Variants in CDH18 observed in about 807,000 individuals in gnomAD.
The protein encoded by CDH18 is cadherin 18, also known as cadherin-18.
In CDH18, 31 loss-of-function variants were observed where a neutral mutation model predicts 67.9. The observed-to-expected ratio is 0.46, with a 90% confidence interval of 0.34 to 0.62. CDH18 has a LOEUF of 0.62. CDH18 is among the 20% of genes least tolerant of loss of function. The pLI, the probability that CDH18 is intolerant of heterozygous loss-of-function variation, is 0.01. For missense variants in CDH18, 890 were observed against 975.5 expected (o/e 0.91, Z 1.17); for synonymous variants, 362 against 347.2 (o/e 1.04, Z -0.48).
chr5:20,270,997 G>A (rs868121637), intron 1 of CDH18, among the ~76,000 whole-genome samples: 1 of 152,054 alleles, frequency 6.6e-6, no homozygotes, highest in African/African-American at 2.4e-5. Context: ...CATAGGGTGG[G>A]ACGGGGGAGA....
chr5:20,546,625 T>C (rs1426582206), intron 1 of CDH18, among the ~76,000 whole-genome samples: 3 of 152,054 alleles, frequency 2.0e-5, no homozygotes, highest in Non-Finnish European at 4.4e-5. Flanking sequence ...AATAATAACA[T>C]GGGAGAAACC....
At chr5:19,899,876 T>C (rs909992401) in intron 2 of CDH18, among the ~76,000 whole-genome samples, 1 of 152,088 alleles carries the variant, frequency 6.6e-6, no homozygotes, top group African/African-American at 2.4e-5. Context: ...ATACGAGGTA[T>C]CTGTGATTGT....
rs1766815154 is a variant in CDH18, at chr5:19,726,153, A to G, written c.524-4687T>C. Among the ~76,000 whole-genome samples, 5 of 152,204 alleles carry G rather than the reference A, an allele frequency of 3.3e-5. No individual in the cohort carries two copies. The South Asian group carries it at 1.0e-3, about 31-fold the overall frequency. On this transcript the variant is annotated intron_variant, in intron 4 of 12. Transcript: ENST00000382275. ...AGCCTTGTTAAGTGAGAGTTGAGAT[A>G]CACGAAGGCAGTGACAAGTTAAATA... is the stretch of plus-strand genomic sequence containing the variant.
At chr5:20,423,895 C>T (rs1470922828) in intron 1 of CDH18, among the ~76,000 whole-genome samples, 2 of 132,154 alleles carry the variant, frequency 1.5e-5, no homozygotes, top group East Asian at 2.2e-4. Flanking sequence ...TGCAGTGAGC[C>T]GAGATCGCGC....
chr5:19,782,848 T>C (rs1354255278), intron 3 of CDH18, among the ~76,000 whole-genome samples: 1 of 152,186 alleles, frequency 6.6e-6, no homozygotes, highest in African/African-American at 2.4e-5. Context: ...TAAATCTTTC[T>C]ACAACTTAAG....
Position 19,638,956 on chromosome 5 carries a change from G to A in CDH18, c.644-26355C>T, listed in dbSNP as rs79791082. On this transcript the variant is annotated intron_variant, in intron 5 of 12. Coordinates refer to ENST00000382275, the MANE Select transcript of CDH18 (RefSeq NM_004934.5). Reference sequence around the variant, plus strand: ...GCTTTCATCCCACCCCTCCCAGATCGCTGGGAAGTTTTTTGTTGCTGTTTT... The same window carrying A: ...GCTTTCATCCCACCCCTCCCAGATCACTGGGAAGTTTTTTGTTGCTGTTTT... 7.1e-3 allele frequency among the ~76,000 whole-genome samples: 840 copies of A among 117,872 alleles called. 9 individuals carry two copies. Among genetic ancestry groups the A allele is most frequent in the African/African-American group, 0.027 (809 of 29,856 alleles). 77.3% of individuals were successfully genotyped at this position (117,872 alleles called of 152,430 possible). A position where few individuals can be genotyped will look rare whatever the true frequency, so the allele number is the denominator to read the frequency against.
At chr5:20,101,755 C>G (rs551784669) in intron 2 of CDH18, among the ~76,000 whole-genome samples, 3 of 152,152 alleles carry the variant, frequency 2.0e-5, no homozygotes, top group African/African-American at 7.2e-5. Context: ...ATGCACCAAT[C>G]TGATAATAGA....
At chr5:19,841,882 A>C (rs1782356618) in intron 2 of CDH18, among the ~76,000 whole-genome samples, 1 of 152,224 alleles carries the variant, frequency 6.6e-6, no homozygotes, top group South Asian at 2.1e-4. Flanking sequence ...TGCGAATCTC[A>C]ATTATGACAA....
chr5:19,976,024 A>T (rs1477476863), intron 2 of CDH18, among the ~76,000 whole-genome samples: 2 of 152,172 alleles, frequency 1.3e-5, no homozygotes, highest in Non-Finnish European at 2.9e-5. Context: ...ACTGCCTCTG[A>T]AGTTGGCGAG....
intron 3 of CDH18, among the ~76,000 whole-genome samples, chr5:19,773,088 T>A (rs1051870618): frequency 2.0e-5 from 3 of 152,146 alleles, no homozygotes; most frequent in African/African-American, 7.2e-5. Context: ...ACATACATAA[T>A]CATAGGATAA....
At chr5:20,304,012 C>T in intron 1 of CDH18, 1 of 1,201,152 alleles carries the variant, frequency 8.3e-7, no homozygotes, top group Non-Finnish European at 1.2e-6. Flanking sequence ...GAAGCAGCAA[C>T]TTGGCAATAA....
rs1000848383 is a variant in CDH18 at position 19,738,189 on chromosome 5, T to C, written c.523+8753A>G. ...TACTGAGATTTTTAAAATATATTTTTAAGGGACTACGGACCACTATAATAT... is the reference window on the plus strand; with the variant it reads ...TACTGAGATTTTTAAAATATATTTTCAAGGGACTACGGACCACTATAATAT... On this transcript the variant is annotated intron_variant, in intron 4 of 12. Coordinates refer to ENST00000382275, the MANE Select transcript of CDH18 (RefSeq NM_004934.5). Among the ~76,000 whole-genome samples, 6 of 10,484 alleles carry C rather than the reference T, an allele frequency of 5.7e-4. No individual in the cohort carries two copies. In the Non-Finnish European group the frequency reaches 0.065, roughly 114 times the overall value. 6.9% of individuals were successfully genotyped at this position (10,484 alleles called of 152,430 possible). A position where few individuals can be genotyped will look rare whatever the true frequency, so the allele number is the denominator to read the frequency against.
chr5:19,935,707 T>C (rs1032387297), intron 2 of CDH18, among the ~76,000 whole-genome samples: 1 of 131,208 alleles, frequency 7.6e-6, no homozygotes, highest in African/African-American at 2.9e-5. Context: ...ATTTAAAAAC[T>C]TTTTTTTTTT....
chr5:19,526,745 T>C (rs1445182698), intron 9 of CDH18, among the ~76,000 whole-genome samples: 1 of 152,048 alleles, frequency 6.6e-6, no homozygotes, highest in African/African-American at 2.4e-5. Flanking sequence ...TTATTCATAT[T>C]CGAAAATTAG....
chr5:20,083,513 T>C (rs1744669136), intron 2 of CDH18, among the ~76,000 whole-genome samples: 1 of 152,196 alleles, frequency 6.6e-6, no homozygotes, highest in Non-Finnish European at 1.5e-5. Context: ...AATGAATGAA[T>C]ACTGTGTGTA....
At chr5:20,334,743 C>T (rs370629438) in intron 1 of CDH18, among the ~76,000 whole-genome samples, 83 of 136,370 alleles carry the variant, frequency 6.1e-4, no homozygotes, top group African/African-American at 2.6e-3. Context: ...CTCTCTCTCT[C>T]TCTCTCTCAT....
intron 11 of CDH18, among the ~76,000 whole-genome samples, chr5:19,499,699 T>C (rs924437512): frequency 6.6e-6 from 1 of 152,172 alleles, no homozygotes; most frequent in Non-Finnish European, 1.5e-5. Context: ...CATTTTTCAT[T>C]AGTCAGAGCA....
intron 7 of CDH18, among the ~76,000 whole-genome samples, chr5:19,573,513 C>T (rs1439718996): frequency 5.9e-5 from 9 of 152,062 alleles, no homozygotes; most frequent in African/African-American, 9.7e-5. Context: ...CTCCTGACCT[C>T]GTGATCCACC....
intron 1 of CDH18, among the ~76,000 whole-genome samples, chr5:20,261,704 C>G (rs185393534): frequency 1.3e-5 from 2 of 151,854 alleles, no homozygotes; most frequent in Non-Finnish European, 2.9e-5. Flanking sequence ...GCATTCCAGC[C>G]TGGGCGACAG....
Sources: gnomAD v4.1 joint callset for allele counts (sites outside exome capture counted in the v4.1 genomes callset) on GRCh38, gnomAD v4.1.1 for gene constraint, MANE v1.5 for transcripts, NCBI Gene and HGNC (gene_info 2026-07-23, HGNC 2026-07-21) for gene names.